Variants in TCF7L1 observed in about 807,000 individuals in gnomAD.
TCF7L1 encodes transcription factor 7-like 1.
In TCF7L1, 18 loss-of-function variants were observed where a neutral mutation model predicts 63.7. The ratio of observed to expected loss-of-function variants is 0.28; its 90% CI spans 0.20 to 0.42. The LOEUF is 0.42. Ranked by LOEUF, TCF7L1 falls within the 10% of genes least tolerant of loss-of-function variation. The pLI is 1.00. For synonymous variants in TCF7L1, 355 were observed against 340.9 expected, an observed-to-expected ratio of 1.04 and a Z score of -0.46; for missense variants, 654 against 779.3, an observed-to-expected ratio of 0.84 and a Z score of 1.91.
chr2:85,276,955 G>C (rs1681286628), intron 3 of TCF7L1, among the ~76,000 whole-genome samples: 1 of 152,182 alleles, frequency 6.6e-6, no homozygotes, highest in Admixed American at 6.5e-5. Context: ...TGAAGAAGAG[G>C]GGTTAAAGTT....
chr2:85,266,606 C>T (rs111242271), intron 3 of TCF7L1, among the ~76,000 whole-genome samples: 1,904 of 152,288 alleles, frequency 0.013, 40 homozygotes, highest in African/African-American at 0.044. Flanking sequence ...CTTTGTTTCC[C>T]GCTGGTCATT....
At chr2:85,236,650 A>C (rs1309822302) in intron 3 of TCF7L1, among the ~76,000 whole-genome samples, 1 of 152,136 alleles carries the variant, frequency 6.6e-6, no homozygotes, top group Non-Finnish European at 1.5e-5. Context: ...GGGATCAGTT[A>C]TATGTATCTA....
chr2:85,226,750 C>G (rs1481782718), intron 3 of TCF7L1, among the ~76,000 whole-genome samples: 1 of 152,010 alleles, frequency 6.6e-6, no homozygotes, highest in Admixed American at 6.6e-5. Context: ...TTGTGGTTTT[C>G]CAGCCTGGAT....
At chr2:85,213,828 GC>G (rs1400513219) in intron 3 of TCF7L1, 1 of 152,226 alleles carries the variant, frequency 6.6e-6, no homozygotes, top group African/African-American at 2.4e-5. Flanking sequence ...TGATGTGCTA[GC>G]CTTTTTGTGT....
chr2:85,270,763 C>G (rs1681131808), intron 3 of TCF7L1, among the ~76,000 whole-genome samples: 1 of 152,096 alleles, frequency 6.6e-6, no homozygotes, highest in Admixed American at 6.5e-5. Flanking sequence ...AATCACAGCT[C>G]ACTGCAGCCT....
chr2:85,168,675 G>T (rs1678476538), intron 3 of TCF7L1, among the ~76,000 whole-genome samples: 1 of 151,982 alleles, frequency 6.6e-6, no homozygotes, highest in Non-Finnish European at 1.5e-5. Flanking sequence ...AGGCTGGAGT[G>T]CAGTGGTGCA....
chr2:85,296,832 A>G (rs1681846689), intron 4 of TCF7L1, among the ~76,000 whole-genome samples: 2 of 152,234 alleles, frequency 1.3e-5, no homozygotes, highest in Admixed American at 6.5e-5. Context: ...AAAATTAAAA[A>G]CCATTCTACA....
intron 3 of TCF7L1, among the ~76,000 whole-genome samples, chr2:85,234,153 T>TTTC (rs1558641614): frequency 7.4e-6 from 1 of 134,332 alleles, no homozygotes; most frequent in East Asian, 2.0e-4. Context: ...TTTTTTTTTT[T>TTTC]CGAGATGGAG....
chr2:85,154,097 G>C (rs1473700591), intron 3 of TCF7L1, among the ~76,000 whole-genome samples: 1 of 152,200 alleles, frequency 6.6e-6, no homozygotes, highest in Non-Finnish European at 1.5e-5. Context: ...GTCTGTGCTA[G>C]AGTTAGAACA....
At chr2:85,236,188 C>T (rs529422358) in intron 3 of TCF7L1, among the ~76,000 whole-genome samples, 5 of 152,146 alleles carry the variant, frequency 3.3e-5, no homozygotes, top group African/African-American at 1.2e-4. Flanking sequence ...AAAACCCAAC[C>T]TTGAGACTCA....
intron 3 of TCF7L1, among the ~76,000 whole-genome samples, chr2:85,235,806 G>A (rs1573003350): frequency 6.6e-6 from 1 of 152,200 alleles, no homozygotes; most frequent in African/African-American, 2.4e-5. Flanking sequence ...AGCACTGCTT[G>A]AGCCCAGGCA....
intron 3 of TCF7L1, among the ~76,000 whole-genome samples, chr2:85,167,525 A>G (rs1678447372): frequency 6.6e-6 from 1 of 152,142 alleles, no homozygotes; most frequent in African/African-American, 2.4e-5. Flanking sequence ...ATGGATGGCT[A>G]AAGGAAATGT....
At chr2:85,308,245 T>C (rs1203903818) in intron 11 of TCF7L1, among the ~76,000 whole-genome samples, 2 of 152,116 alleles carry the variant, frequency 1.3e-5, no homozygotes, top group Admixed American at 1.3e-4. Flanking sequence ...ACTGTGACGA[T>C]TATTATTAAT....
At chr2:85,136,497 T>C (rs1320818171) in intron 3 of TCF7L1, among the ~76,000 whole-genome samples, 1 of 152,222 alleles carries the variant, frequency 6.6e-6, no homozygotes, top group Non-Finnish European at 1.5e-5. Context: ...CCTCTCTGAC[T>C]GTCCTTGTTC....
chr2:85,194,742 A>C (rs1679115413), intron 3 of TCF7L1, among the ~76,000 whole-genome samples: 1 of 152,168 alleles, frequency 6.6e-6, no homozygotes, highest in Non-Finnish European at 1.5e-5. Flanking sequence ...GGGTTCTCAC[A>C]GAAGAATCAG....
chr2:85,217,540 A>C (rs1427276972), intron 3 of TCF7L1, among the ~76,000 whole-genome samples: 1 of 152,166 alleles, frequency 6.6e-6, no homozygotes, highest in African/African-American at 2.4e-5. Context: ...AGACTCGGAC[A>C]TTCCACTGCC....
intron 3 of TCF7L1, among the ~76,000 whole-genome samples, chr2:85,144,971 G>A (rs2568216): frequency 0.55 from 83,397 of 150,910 alleles, 23,425 homozygotes; most frequent in East Asian, 0.85. Context: ...TATAATCCCA[G>A]CTACTCGGGA....
At chr2:85,304,444 A>G (rs927876167) in intron 7 of TCF7L1, 106 bp downstream of exon 7, 62 of 1,144,988 alleles carry the variant, frequency 5.4e-5, no homozygotes, top group African/African-American at 1.6e-4. Context: ...CACAGGGCTC[A>G]CCCTCCCCCC....
intron 7 of TCF7L1, among the ~76,000 whole-genome samples, chr2:85,304,904 G>A (rs1682072187): frequency 6.6e-6 from 1 of 152,122 alleles, no homozygotes; most frequent in African/African-American, 2.4e-5. Flanking sequence ...TTCTGTCTCA[G>A]GGACCAGCTC....
Sources: gnomAD v4.1 joint callset for allele counts (sites outside exome capture counted in the v4.1 genomes callset) on GRCh38, gnomAD v4.1.1 for gene constraint, MANE v1.5 for transcripts, NCBI Gene and HGNC (gene_info 2026-07-23, HGNC 2026-07-21) for gene names.